KANSL1L: variants seen among roughly 807,000 people sequenced by gnomAD.
KANSL1L encodes the protein KAT8 regulatory NSL complex subunit 1-like protein.
In KANSL1L, 25 loss-of-function variants were observed where a neutral mutation model predicts 108.6. That is an observed-to-expected ratio of 0.23 (90% CI 0.17 to 0.32). KANSL1L has a LOEUF of 0.32. Ranked by LOEUF, KANSL1L falls within the 10% of genes least tolerant of loss-of-function variation. The pLI is 1.00. For synonymous variants in KANSL1L, 405 were observed against 395.1 expected, an observed-to-expected ratio of 1.03 and a Z score of -0.30; for missense variants, 1,137 against 1,125.7, an observed-to-expected ratio of 1.01 and a Z score of -0.14.
chr2:210,118,936 G>A (rs1010861634), intron 3 of KANSL1L, among the ~76,000 whole-genome samples: 4 of 152,018 alleles, frequency 2.6e-5, no homozygotes, highest in African/African-American at 7.3e-5. Flanking sequence ...TAGGGAGGAC[G>A]AGGCAGGCAG....
intron 2 of KANSL1L, among the ~76,000 whole-genome samples, chr2:210,144,563 T>G (rs1194108918): frequency 6.6e-6 from 1 of 152,190 alleles, no homozygotes; most frequent in Admixed American, 6.5e-5. Flanking sequence ...CACAGATTCT[T>G]TCTTCTGTTT....
chr2:210,097,616 T>A (rs1559553014), intron 5 of KANSL1L, among the ~76,000 whole-genome samples: 1 of 151,992 alleles, frequency 6.6e-6, no homozygotes, highest in African/African-American at 2.4e-5. Flanking sequence ...TTAATTATAG[T>A]AAAAAAAATT....
intron 1 of KANSL1L, among the ~76,000 whole-genome samples, chr2:210,159,128 T>C (rs901882215): frequency 2.0e-5 from 3 of 152,224 alleles, no homozygotes; most frequent in Non-Finnish European, 2.9e-5. Context: ...GTCCTTACGA[T>C]AGCCTACAAA....
intron 6 of KANSL1L, among the ~76,000 whole-genome samples, chr2:210,050,216 C>T (rs1489885202): frequency 6.6e-6 from 1 of 151,974 alleles, no homozygotes; most frequent in Non-Finnish European, 1.5e-5. Context: ...AATTTAAGAA[C>T]AATTAATTCC....
At chr2:210,118,884 C>A (rs1033888957) in intron 3 of KANSL1L, among the ~76,000 whole-genome samples, 4 of 151,654 alleles carry the variant, frequency 2.6e-5, no homozygotes, top group African/African-American at 9.7e-5. Context: ...AAAGAAAAGC[C>A]CAGAGCTGGG....
chr2:210,042,400 A>C (rs1359107220), intron 7 of KANSL1L, among the ~76,000 whole-genome samples: 2 of 152,210 alleles, frequency 1.3e-5, no homozygotes, highest in Non-Finnish European at 2.9e-5. Flanking sequence ...TAGAGGGGGC[A>C]TAAGAGTCTT....
In KANSL1L at chr2:210,153,514, G is replaced by A; in HGVS notation, c.1069C>T (p.Leu357Phe). 1 of 1,613,748 alleles carries A rather than the reference G, an allele frequency of 6.2e-7. No individual in the cohort carries two copies. Among genetic ancestry groups the A allele is most frequent in the East Asian group, 2.2e-5 (1 of 44,872 alleles). Reference protein sequence around the residue: ...SSDDDLDEYTLRKNVAVNCST... With the variant: ...SSDDDLDEYTFRKNVAVNCST... ...ACTTACACTGCCACATTTTTTCTAA[G>A]GGTATATTCATCCAAATCGTCATCA... Residue 357 changes from leucine to phenylalanine, a missense_variant, in exon 2 of 15, where the codon CTT becomes TTT. This residue lies in a region of KANSL1L where 556 missense variants were observed against 537.7 expected (regional missense o/e 1.03). Coordinates refer to ENST00000281772, the MANE Select transcript of KANSL1L (RefSeq NM_152519.4).
At chr2:210,113,403 TA>T (rs1240697964) in intron 3 of KANSL1L, among the ~76,000 whole-genome samples, 2 of 151,798 alleles carry the variant, frequency 1.3e-5, no homozygotes, top group African/African-American at 4.8e-5. Context: ...ACCGACAACC[TA>T]CAACAATAGA....
intron 5 of KANSL1L, among the ~76,000 whole-genome samples, chr2:210,079,648 A>ATATATATGTGTG (rs1553653240): frequency 0.014 from 210 of 15,184 alleles, 12 homozygotes; most frequent in East Asian, 0.087. Context: ...ATATATATAT[A>ATATATATGTGTG]TATATATATA....
At chr2:210,159,817 C>T (rs1331181882) in intron 1 of KANSL1L, among the ~76,000 whole-genome samples, 4 of 152,062 alleles carry the variant, frequency 2.6e-5, no homozygotes, top group African/African-American at 7.2e-5. Flanking sequence ...TTTGGGAGGC[C>T]GAGGCAGGCG....
rs969869165 is a variant in KANSL1L, at chr2:210,021,621, G to A, written c.*1328C>T. 3 of 152,480 alleles carry A rather than the reference G, an allele frequency of 2.0e-5. No individual in the cohort carries two copies. Among genetic ancestry groups the A allele is most frequent in the Admixed American group, 6.6e-5 (1 of 15,266 alleles). 9.4% of individuals were successfully genotyped at this position (152,480 alleles called of 1,614,324 possible). ...AATTTTTTACCCCTTAAAAGGACTA[G>A]TATAATTTCCAATCTCTAACAAAAA... On this transcript the variant is annotated 3_prime_UTR_variant, in exon 15 of 15. Transcript: ENST00000281772.
chr2:210,039,273 G>A (rs544458601), intron 8 of KANSL1L, among the ~76,000 whole-genome samples: 1 of 151,966 alleles, frequency 6.6e-6, no homozygotes, highest in East Asian at 1.9e-4. Context: ...CTTCTGACAG[G>A]AACAGGATAT....
At chr2:210,131,886 G>A (rs1015442672) in intron 2 of KANSL1L, among the ~76,000 whole-genome samples, 9 of 151,868 alleles carry the variant, frequency 5.9e-5, no homozygotes, top group African/African-American at 1.9e-4. Flanking sequence ...TAGTAGACAC[G>A]GGGTTTCACT....
chr2:210,066,538 G>A (rs1323259628), intron 6 of KANSL1L, among the ~76,000 whole-genome samples: 4 of 152,142 alleles, frequency 2.6e-5, no homozygotes, highest in Non-Finnish European at 5.9e-5. Flanking sequence ...ACCACCAAGG[G>A]TATGACACAT....
At chr2:210,058,538 A>G (rs2094382263) in intron 6 of KANSL1L, among the ~76,000 whole-genome samples, 2 of 151,914 alleles carry the variant, frequency 1.3e-5, no homozygotes, top group Admixed American at 6.6e-5. Context: ...CACTAATAAA[A>G]ACTTGCTGCT....
intron 2 of KANSL1L, among the ~76,000 whole-genome samples, chr2:210,133,698 T>C (rs1158517109): frequency 1.3e-5 from 2 of 152,140 alleles, no homozygotes; most frequent in Non-Finnish European, 2.9e-5. Context: ...CATACAGCAT[T>C]GCTTCAGTAA....
chr2:210,045,654 C>T (rs929487596), intron 6 of KANSL1L, among the ~76,000 whole-genome samples: 18 of 152,274 alleles, frequency 1.2e-4, no homozygotes, highest in South Asian at 4.1e-4. Flanking sequence ...TCCGAATTCT[C>T]TCAGTTTTTA....
chr2:210,027,113 G>A (rs1483057966), intron 12 of KANSL1L, among the ~76,000 whole-genome samples, 183 bp downstream of exon 12: 2 of 152,076 alleles, frequency 1.3e-5, no homozygotes, highest in African/African-American at 2.4e-5. Context: ...TATGCTGGTA[G>A]TCAAATTTGC....
At chr2:210,087,310 T>C (rs963219554) in intron 5 of KANSL1L, among the ~76,000 whole-genome samples, 4 of 152,092 alleles carry the variant, frequency 2.6e-5, no homozygotes, top group Admixed American at 6.5e-5. Flanking sequence ...TGAGCCATCA[T>C]GCCTGGCCAT....
Sources: gnomAD v4.1 joint callset for allele counts (sites outside exome capture counted in the v4.1 genomes callset) on GRCh38, gnomAD v4.1.1 for gene constraint, gnomAD v4.1.1 regional missense constraint, MANE v1.5 for transcripts, NCBI Gene and HGNC (gene_info 2026-07-23, HGNC 2026-07-21) for gene names.